The following RRM2 variants were observed in gnomAD, a reference collection of about 807,000 sequenced individuals.
The protein encoded by RRM2 is ribonucleoside-diphosphate reductase subunit M2.
RRM2 carries 6 observed loss-of-function variants against 45.9 expected under a neutral mutation model. The ratio of observed to expected loss-of-function variants is 0.13; its 90% confidence interval spans 0.07 to 0.26. The LOEUF (loss-of-function observed/expected upper bound fraction) is 0.26, where lower values mean the gene tolerates loss of function less well. Ranked by LOEUF, RRM2 falls within the 10% of genes least tolerant of loss-of-function variation. The probability of loss-of-function intolerance (pLI) is 1.00; values close to 1 mark genes in which losing one functional copy is unlikely to be tolerated. For synonymous variants in RRM2, 177 were observed against 173.0 expected, an observed-to-expected ratio of 1.02 and a Z score of -0.18; for missense variants, 343 against 489.5, an observed-to-expected ratio of 0.70 and a Z score of 2.82.
chr2:10,155,676 C>T (rs1558390624), intron 3 of RRM2: 1 of 152,360 alleles, frequency 6.6e-6, no homozygotes, highest in Admixed American at 6.5e-5. Flanking sequence ...TTCATTTGAT[C>T]ATCAGCAGCT....
At chr2:10,136,754 CAG>C (rs1023658241), upstream of RRM2, among the ~76,000 whole-genome samples, 1 of 152,174 alleles carries the variant, frequency 6.6e-6, no homozygotes, top group Non-Finnish European at 1.5e-5. Context: ...GCCTGGGCAA[CAG>C]AGCAAGACCC....
chr2:10,159,253 G>T (rs1663502292), intron 3 of RRM2, among the ~76,000 whole-genome samples: 1 of 152,156 alleles, frequency 6.6e-6, no homozygotes, highest in Non-Finnish European at 1.5e-5. Context: ...TGGCTACCAG[G>T]TGCCCCAGGT....
intron 3 of RRM2, among the ~76,000 whole-genome samples, chr2:10,173,084 A>G (rs1663836003): frequency 6.6e-6 from 1 of 152,066 alleles, no homozygotes; most frequent in East Asian, 1.9e-4. Context: ...ACCACCTCCT[A>G]GTTGTAAGCT....
intron 3 of RRM2, among the ~76,000 whole-genome samples, chr2:10,206,282 T>C (rs536004764): frequency 1.8e-3 from 274 of 151,264 alleles, no homozygotes; most frequent in Middle Eastern, 7.0e-3. Context: ...ATGTCTAACC[T>C]ATGACCCAGA....
Position 10,184,851 on chromosome 2 carries a change from T to C in RRM2, n.483-25460T>C, listed in dbSNP as rs373775967. 1.7e-4 allele frequency among the ~76,000 whole-genome samples: 26 copies of C among 152,342 alleles called. 1 individual carries two copies. In the South Asian group the frequency reaches 5.4e-3, roughly 32 times the overall value. On this transcript the variant is annotated intron_variant and non_coding_transcript_variant, in intron 3 of 3. Coordinates refer to the RRM2 transcript ENST00000381786. ...AAACTGAGTCAGAAAGGGAGGAGACTGCCTTAAGAAAGATTCTTGCAACTT... is the reference window on the plus strand; with the variant it reads ...AAACTGAGTCAGAAAGGGAGGAGACCGCCTTAAGAAAGATTCTTGCAACTT...
At chr2:10,186,918 C>T (rs552477526) in intron 3 of RRM2, among the ~76,000 whole-genome samples, 4 of 152,316 alleles carry the variant, frequency 2.6e-5, no homozygotes, top group Non-Finnish European at 4.4e-5. Flanking sequence ...TGAGGCTGAG[C>T]GCTGAACCAT....
intron 3 of RRM2, among the ~76,000 whole-genome samples, chr2:10,187,692 C>T (rs1456821774): frequency 6.6e-6 from 1 of 152,136 alleles, no homozygotes; most frequent in Non-Finnish European, 1.5e-5. Context: ...GTGGTGCCTA[C>T]CTCTTGGGCT....
At chr2:10,157,988 G>A (rs1663469414) in intron 3 of RRM2, among the ~76,000 whole-genome samples, 1 of 152,190 alleles carries the variant, frequency 6.6e-6, no homozygotes, top group African/African-American at 2.4e-5. Flanking sequence ...ATAAAGGAAT[G>A]AATGAGAGGA....
At position 10,127,228 on chromosome 2, in the gene RRM2, T is replaced by C; in HGVS notation, c.798+8T>C. Reference sequence around the variant, plus strand: ...CTTATTAGCAGAGATGAGGTGAGTCTAAGTCAAATAATAGGGTGACCTAAA... The same window carrying C: ...CTTATTAGCAGAGATGAGGTGAGTCCAAGTCAAATAATAGGGTGACCTAAA... On this transcript the variant is annotated splice_region_variant and intron_variant, in intron 7 of 9. Transcript: ENST00000304567. The surrounding 1 kb of genome is among the most constrained non-coding windows in gnomAD (Gnocchi z 4.1). The C allele has an allele frequency of 1.2e-6, 2 of 1,611,220 alleles. No individual in the cohort carries two copies. The highest frequency in any genetic ancestry group is 2.2e-5 in the South Asian group (2 of 91,038).
At chr2:10,187,523 G>A (rs1664194079) in intron 3 of RRM2, among the ~76,000 whole-genome samples, 1 of 152,200 alleles carries the variant, frequency 6.6e-6, no homozygotes, top group Non-Finnish European at 1.5e-5. Flanking sequence ...TGGGGGAGAT[G>A]TGGACGCTCT....
chr2:10,185,320 G>C lies in RRM2; in HGVS notation n.483-24991G>C, dbSNP rs921925307. Among the ~76,000 whole-genome samples the C allele has an allele frequency of 2.0e-5, 3 of 152,126 alleles. No individual in the cohort carries two copies. Among genetic ancestry groups the C allele is most frequent in the Non-Finnish European group, 2.9e-5 (2 of 68,028 alleles). ...GGCAGGAGAGGCTGAGCGTGGGAGGGAGACAGACGGCATCGATTCATTAAT... is the reference window on the plus strand; with the variant it reads ...GGCAGGAGAGGCTGAGCGTGGGAGGCAGACAGACGGCATCGATTCATTAAT... On this transcript the variant is annotated intron_variant and non_coding_transcript_variant, in intron 3 of 3. Coordinates refer to the RRM2 transcript ENST00000381786. This position sits in a 1 kb window ranked among gnomAD's most constrained non-coding sequence, Gnocchi z 4.3.
intron 3 of RRM2, among the ~76,000 whole-genome samples, chr2:10,208,198 G>A (rs950990817): frequency 1.3e-5 from 2 of 152,176 alleles, no homozygotes; most frequent in Non-Finnish European, 2.9e-5. Context: ...AAGCCGAAGG[G>A]ACAGCAAGTG....
intron 3 of RRM2, among the ~76,000 whole-genome samples, chr2:10,149,799 C>T (rs934968736): frequency 4.5e-4 from 68 of 152,292 alleles, no homozygotes; most frequent in African/African-American, 1.6e-3. Context: ...TGTGTCTGAT[C>T]TGCTGCTTCT....
At chr2:10,177,154 G>C (rs1171026409) in intron 3 of RRM2, among the ~76,000 whole-genome samples, 1 of 152,112 alleles carries the variant, frequency 6.6e-6, no homozygotes, top group Admixed American at 6.5e-5. Flanking sequence ...GTTGAGGTAG[G>C]AGAATCGCTT....
chr2:10,150,771 G>GTTTTTTTTTTTT (rs61292654), intron 3 of RRM2, among the ~76,000 whole-genome samples: 3 of 92,858 alleles, frequency 3.2e-5, no homozygotes, highest in African/African-American at 8.1e-5. Context: ...AGTGTGTTGT[G>GTTTTTTTTTTTT]TTTTTTTTTT....
rs115966142 is a variant in RRM2 at position 10,124,499 on chromosome 2, A to T, written c.436-218A>T. On this transcript the variant is annotated intron_variant, in intron 4 of 9. Transcript: ENST00000304567. ...TCTTTCTTGACATAAATTAATTAGG[A>T]AATCGAGCGCTCACAAATCCTATTT... is the stretch of plus-strand genomic sequence containing the variant. 4.1e-3 allele frequency among the ~76,000 whole-genome samples: 628 copies of T among 152,316 alleles called. 5 individuals carry two copies. The highest frequency in any genetic ancestry group is 0.015 in the African/African-American group (603 of 41,562).
intron 3 of RRM2, among the ~76,000 whole-genome samples, chr2:10,203,643 CG>C (rs1664610639): frequency 6.6e-6 from 1 of 152,038 alleles, no homozygotes; most frequent in African/African-American, 2.4e-5. Context: ...TGCAGCTACT[CG>C]GGAGGCTGAG....
upstream of RRM2, chr2:10,122,627 G>T: frequency 2.0e-6 from 3 of 1,536,566 alleles, no homozygotes; most frequent in South Asian, 2.4e-5. Flanking sequence ...CAATGGGAAG[G>T]GTCGGAGGCA....
chr2:10,171,745 G>T lies in RRM2; in HGVS notation n.482+29370G>T, dbSNP rs899652110. Among the ~76,000 whole-genome samples the T allele has an allele frequency of 6.6e-6, 1 of 152,206 alleles. No homozygotes were observed. Among genetic ancestry groups the T allele is most frequent in the Admixed American group, 6.5e-5 (1 of 15,280 alleles). On this transcript the variant is annotated intron_variant and non_coding_transcript_variant, in intron 3 of 3. Transcript: ENST00000381786. The surrounding 1 kb of genome is among the most constrained non-coding windows in gnomAD (Gnocchi z 4.1). ...CAGGAATGAATCCTACTCAGCTGCA[G>T]AATAGTCACAGACACCTCTCCACCA...
Sources: gnomAD v4.1 joint callset for allele counts (sites outside exome capture counted in the v4.1 genomes callset) on GRCh38, gnomAD v4.1.1 for gene constraint, Gnocchi (gnomAD v3.1) non-coding constraint, MANE v1.5 for transcripts, NCBI Gene and HGNC (gene_info 2026-07-23, HGNC 2026-07-21) for gene names.